SGCZ: variants seen among roughly 807,000 people sequenced by gnomAD.
SGCZ encodes the protein zeta-sarcoglycan.
SGCZ carries 40 observed loss-of-function variants against 41.3 expected under a neutral mutation model. The observed-to-expected ratio is 0.97, with a 90% CI of 0.75 to 1.26. The LOEUF is 1.26. SGCZ is among the 50% of genes most tolerant of loss of function. The pLI is 0.00. For missense variants in SGCZ, 552 were observed against 369.8 expected, an observed-to-expected ratio of 1.49 and a Z score of -4.04; for synonymous variants, 206 against 137.5, an observed-to-expected ratio of 1.50 and a Z score of -3.49.
chr8:14,375,064 CT>C (rs1804062916), intron 2 of SGCZ, among the ~76,000 whole-genome samples: 1 of 151,684 alleles, frequency 6.6e-6, no homozygotes, highest in Non-Finnish European at 1.5e-5. Flanking sequence ...TGCAGAAGAG[CT>C]GAGGGAATTG....
At chr8:14,467,488 G>A (rs373942410) in intron 2 of SGCZ, among the ~76,000 whole-genome samples, 2 of 152,052 alleles carry the variant, frequency 1.3e-5, no homozygotes, top group Non-Finnish European at 2.9e-5. Flanking sequence ...AAAACTGTGT[G>A]CAAACTGCTT....
chr8:15,237,517 C>G, intron 1 of SGCZ, 68 bp downstream of exon 1: 1 of 1,538,002 alleles, frequency 6.5e-7, no homozygotes, highest in South Asian at 1.2e-5. Flanking sequence ...GGAGGAGCCG[C>G]GGGAAGGAGA....
intron 2 of SGCZ, among the ~76,000 whole-genome samples, chr8:14,490,355 C>A (rs1267108760): frequency 1.3e-5 from 2 of 152,240 alleles, no homozygotes; most frequent in East Asian, 3.9e-4. Flanking sequence ...GTCTTCTGTG[C>A]ATTATAGTGT....
chr8:14,828,642 T>C (rs952598148), intron 1 of SGCZ, among the ~76,000 whole-genome samples: 3 of 152,138 alleles, frequency 2.0e-5, no homozygotes, highest in Non-Finnish European at 4.4e-5. Flanking sequence ...GTGGTCCAGG[T>C]GAAACTGCTC....
chr8:14,287,594 A>G (rs886988410), intron 3 of SGCZ, among the ~76,000 whole-genome samples: 4 of 152,280 alleles, frequency 2.6e-5, no homozygotes, highest in Non-Finnish European at 5.9e-5. Flanking sequence ...TAGCATTGCC[A>G]TCTAAACATT....
At chr8:14,133,547 T>C (rs181603323) in intron 5 of SGCZ, among the ~76,000 whole-genome samples, 22 of 152,296 alleles carry the variant, frequency 1.4e-4, no homozygotes, top group African/African-American at 5.3e-4. Context: ...CAGGACTCTG[T>C]TCTAAGAACA....
chr8:14,951,061 G>A (rs1044910822), intron 1 of SGCZ, among the ~76,000 whole-genome samples: 7 of 151,980 alleles, frequency 4.6e-5, no homozygotes, highest in African/African-American at 1.7e-4. Context: ...ACATGAAGGA[G>A]CCACATTATT....
At chr8:14,528,617 C>T (rs1412073203) in intron 2 of SGCZ, among the ~76,000 whole-genome samples, 3 of 151,608 alleles carry the variant, frequency 2.0e-5, no homozygotes, top group Admixed American at 1.3e-4. Context: ...CCTCCAAATC[C>T]CCTGTTCCAA....
intron 1 of SGCZ, among the ~76,000 whole-genome samples, chr8:14,649,687 G>C (rs1807334602): frequency 6.6e-6 from 1 of 152,050 alleles, no homozygotes; most frequent in Non-Finnish European, 1.5e-5. Context: ...TAAACACGTA[G>C]ATTTCCAATT....
At position 14,291,510 on chromosome 8, in the gene SGCZ, A is replaced by T. The variant is rs1454848251; in HGVS notation, c.336+32593T>A. Among the ~76,000 whole-genome samples, 4 of 152,108 alleles carry T rather than the reference A, an allele frequency of 2.6e-5. No homozygotes were observed. The Middle Eastern group carries it at 0.01, about 388-fold the overall frequency. ...TTATGCTGGTACCATACTCTTGAAC[A>T]CTTTAGCTTTGAAGTAATCCCTAAA... On this transcript the variant is annotated intron_variant, in intron 3 of 7. Transcript: ENST00000382080.
At position 14,635,292 on chromosome 8, in the gene SGCZ, G is replaced by T. The variant is rs115897019; in HGVS notation, c.40-80366C>A. Among the ~76,000 whole-genome samples, 1,336 of 151,798 alleles carry T rather than the reference G, an allele frequency of 8.8e-3. 18 individuals carry two copies. The highest frequency in any genetic ancestry group is 0.031 in the African/African-American group (1,267 of 41,416). On this transcript the variant is annotated intron_variant, in intron 1 of 7. Transcript: ENST00000382080. ...ATCTGTTGTCTTTCTTATGAAAAGG[G>T]TCACCTTTTTAGCCATGAGAAATAT...
intron 4 of SGCZ, among the ~76,000 whole-genome samples, chr8:14,191,391 C>T (rs1585216862): frequency 6.6e-6 from 1 of 152,132 alleles, no homozygotes; most frequent in Admixed American, 6.5e-5. Context: ...TGACACTATC[C>T]AAAAAATCAC....
chr8:14,867,440 T>G (rs1381044605), intron 1 of SGCZ, among the ~76,000 whole-genome samples: 1 of 152,150 alleles, frequency 6.6e-6, no homozygotes, highest in African/African-American at 2.4e-5. Context: ...TATAATAGAA[T>G]GATTTATATT....
At chr8:14,321,459 T>C (rs1446704112) in intron 3 of SGCZ, among the ~76,000 whole-genome samples, 2 of 151,990 alleles carry the variant, frequency 1.3e-5, no homozygotes, top group African/African-American at 4.8e-5. Context: ...TAGATGTGTA[T>C]TTATGGGTGA....
chr8:14,102,475 C>T lies in SGCZ; in HGVS notation c.645G>A (p.Leu215=). ...DLRLESPTRS[L]IMEAPRGVQV... ...GGACCCCACGGGGAGCTTCCATGAT[C>T]AAGGATCTGGTGGGTGATTCAAGCC... Residue 215 remains leucine, a synonymous_variant, in exon 7 of 8, where the codon TTG becomes TTA. Transcript: ENST00000382080. 1 of 1,482,026 alleles carries T rather than the reference C, an allele frequency of 6.7e-7. No individual in the cohort carries two copies. The allele number at this position is 1,482,026 out of a possible 1,614,324, so 91.8% of individuals were successfully genotyped here. A position where few individuals can be genotyped will look rare whatever the true frequency, so the allele number is the denominator to read the frequency against.
intron 1 of SGCZ, among the ~76,000 whole-genome samples, chr8:15,085,384 C>T (rs1805910900): frequency 6.6e-6 from 1 of 152,260 alleles, no homozygotes; most frequent in African/African-American, 2.4e-5. Flanking sequence ...CTTAGACACA[C>T]GTGCTGAAAT....
chr8:14,665,455 T>C (rs1356334464), intron 1 of SGCZ, among the ~76,000 whole-genome samples: 1 of 152,170 alleles, frequency 6.6e-6, no homozygotes, highest in Non-Finnish European at 1.5e-5. Context: ...CTATTGTGAA[T>C]AGTGCTGCAG....
chr8:14,148,572 C>A (rs1042470741), intron 5 of SGCZ, among the ~76,000 whole-genome samples: 2 of 152,020 alleles, frequency 1.3e-5, no homozygotes, highest in Non-Finnish European at 2.9e-5. Flanking sequence ...AAGCCTGGGA[C>A]CCGATGGCTT....
intron 6 of SGCZ, among the ~76,000 whole-genome samples, chr8:14,103,772 C>G (rs1563128390): frequency 6.6e-6 from 1 of 151,968 alleles, no homozygotes; most frequent in Non-Finnish European, 1.5e-5. Context: ...TAAGAAACGT[C>G]TGTATTTTTT....
Sources: gnomAD v4.1 joint callset for allele counts (sites outside exome capture counted in the v4.1 genomes callset) on GRCh38, gnomAD v4.1.1 for gene constraint, MANE v1.5 for transcripts, NCBI Gene and HGNC (gene_info 2026-07-23, HGNC 2026-07-21) for gene names.